DIPK1A: variants seen among roughly 807,000 people sequenced by gnomAD.
DIPK1A encodes family with sequence similarity 69 member A.
Under a neutral mutation model 40.8 loss-of-function variants are expected in DIPK1A, and 27 were observed. The ratio of observed to expected loss-of-function variants is 0.66; its 90% CI spans 0.49 to 0.91. DIPK1A has a LOEUF of 0.91. Ranked by LOEUF, DIPK1A falls within the 40% of genes least tolerant of loss-of-function variation. DIPK1A has a pLI of 0.00. For synonymous variants in DIPK1A, 166 were observed against 171.3 expected, an observed-to-expected ratio of 0.97 and a Z score of 0.24; for missense variants, 412 against 505.7, an observed-to-expected ratio of 0.81 and a Z score of 1.78.
intron 1 of DIPK1A, among the ~76,000 whole-genome samples, chr1:92,891,656 T>C (rs1007950594): frequency 6.6e-6 from 1 of 151,990 alleles, no homozygotes; most frequent in Non-Finnish European, 1.5e-5. Flanking sequence ...TGTCAGACAG[T>C]GGGTGCAGGA....
Position 92,834,405 on chromosome 1 carries a change from A to G in DIPK1A, c.475-1371T>C, listed in dbSNP as rs532519265. Among the ~76,000 whole-genome samples the G allele has an allele frequency of 5.9e-5, 9 of 152,326 alleles. No individual in the cohort carries two copies. In the South Asian group the frequency reaches 1.9e-3, roughly 32 times the overall value. ...GCTAGAATCCTGGGCTTTTACAACT[A>G]GGAGAAATTCTGAGAGTTAAGATTT... On this transcript the variant is annotated intron_variant, in intron 4 of 4. Transcript: ENST00000615519.
intron 1 of DIPK1A, among the ~76,000 whole-genome samples, chr1:92,913,211 T>C (rs1649904563): frequency 6.6e-6 from 1 of 152,232 alleles, no homozygotes. Flanking sequence ...AGCTTTCTAA[T>C]TGCAGGATAA....
chr1:92,854,407 C>G (rs1325230263), intron 2 of DIPK1A, among the ~76,000 whole-genome samples: 1 of 152,196 alleles, frequency 6.6e-6, no homozygotes, highest in Non-Finnish European at 1.5e-5. Flanking sequence ...GGCTCCAGAG[C>G]CCACTCTCTT....
intron 2 of DIPK1A, among the ~76,000 whole-genome samples, chr1:92,860,685 G>A (rs1387942923): frequency 1.4e-5 from 2 of 141,558 alleles, no homozygotes; most frequent in Non-Finnish European, 3.0e-5. Flanking sequence ...TGGGGTGGCT[G>A]AGACAGGAGA....
intron 1 of DIPK1A, among the ~76,000 whole-genome samples, chr1:92,891,199 G>A (rs1449783135): frequency 2.0e-5 from 3 of 151,450 alleles, no homozygotes; most frequent in African/African-American, 7.3e-5. Flanking sequence ...ATTTATTTAG[G>A]TATTTTCTCT....
Position 92,893,707 on chromosome 1 carries a change from C to A in DIPK1A, c.55-17277G>T, listed in dbSNP as rs1013784876. Among the ~76,000 whole-genome samples, 10 of 151,830 alleles carry A rather than the reference C, an allele frequency of 6.6e-5. 1 individual carries two copies. Among genetic ancestry groups the A allele is most frequent in the Admixed American group, 2.0e-4 (3 of 15,250 alleles). Reference sequence around the variant, plus strand: ...GCTCCAATTAAAAGACACAGACTGGCAAATTGGATAAAGAGTCAAGACCCA... The same window carrying A: ...GCTCCAATTAAAAGACACAGACTGGAAAATTGGATAAAGAGTCAAGACCCA... On this transcript the variant is annotated intron_variant, in intron 1 of 4. Transcript: ENST00000370310.
rs994601278 is a variant in DIPK1A at position 92,932,009 on chromosome 1, G to A, written c.54+29367C>T. On this transcript the variant is annotated intron_variant, in intron 1 of 4. Transcript: ENST00000370310. The stretch of plus-strand genomic sequence containing the variant: ...GATAACATATTTGCAATAAAATCTT[G>A]GGCCAAAAGAAAATTTGGGTTTGAA... 3 of 526,608 alleles carry A rather than the reference G, an allele frequency of 5.7e-6. No individual in the cohort carries two copies. In the African/African-American group the frequency reaches 6.1e-5, roughly 11 times the overall value. 32.6% of individuals were successfully genotyped at this position (526,608 alleles called of 1,614,324 possible).
At chr1:92,834,414 T>C (rs1048089724) in intron 4 of DIPK1A, among the ~76,000 whole-genome samples, 4 of 152,158 alleles carry the variant, frequency 2.6e-5, no homozygotes, top group African/African-American at 9.7e-5. Flanking sequence ...TAGGAGAAAT[T>C]CTGAGAGTTA....
chr1:92,840,851 C>G, downstream of DIPK1A: 1 of 682,578 alleles, frequency 1.5e-6, no homozygotes. Flanking sequence ...CTAGTACAGT[C>G]TAAGTACTGG....
At chr1:92,875,857 A>T (rs1648096704) in intron 2 of DIPK1A, among the ~76,000 whole-genome samples, 1 of 152,026 alleles carries the variant, frequency 6.6e-6, no homozygotes, top group South Asian at 2.1e-4. Flanking sequence ...TTTTTCTGAG[A>T]TACATCCAAT....
At chr1:92,833,300 C>T in intron 4 of DIPK1A, 2 of 1,070,228 alleles carry the variant, frequency 1.9e-6, no homozygotes, top group Non-Finnish European at 2.9e-6. Flanking sequence ...TCTTGAAGTT[C>T]AAGTGTTACT....
chr1:92,950,658 C>T (rs1443144482), intron 1 of DIPK1A, among the ~76,000 whole-genome samples: 1 of 152,146 alleles, frequency 6.6e-6, no homozygotes, highest in African/African-American at 2.4e-5. Flanking sequence ...CTGCAGTGAG[C>T]TATGATTGTG....
chr1:92,849,754 C>T (rs1292629783), intron 3 of DIPK1A, among the ~76,000 whole-genome samples: 4 of 151,662 alleles, frequency 2.6e-5, no homozygotes, highest in Non-Finnish European at 1.5e-5. Context: ...CCTCAAGTGA[C>T]CTACCGCCTC....
At chr1:92,948,137 G>C (rs1373972296) in intron 1 of DIPK1A, among the ~76,000 whole-genome samples, 1 of 152,220 alleles carries the variant, frequency 6.6e-6, no homozygotes, top group Non-Finnish European at 1.5e-5. Flanking sequence ...CTTACATGGA[G>C]ACTTGGTTGT....
intron 1 of DIPK1A, among the ~76,000 whole-genome samples, chr1:92,883,089 A>G (rs767041806): frequency 2.0e-5 from 3 of 152,194 alleles, no homozygotes; most frequent in South Asian, 4.1e-4. Flanking sequence ...GCTGAAGACT[A>G]TAATCCTTTC....
chr1:92,913,905 C>T (rs777593609), intron 1 of DIPK1A, among the ~76,000 whole-genome samples: 38 of 152,096 alleles, frequency 2.5e-4, no homozygotes, highest in Non-Finnish European at 1.0e-4. Flanking sequence ...TCCTTAAACC[C>T]AATGTGTAAA....
At chr1:92,892,356 T>A (rs1648931476) in intron 1 of DIPK1A, among the ~76,000 whole-genome samples, 3 of 152,048 alleles carry the variant, frequency 2.0e-5, no homozygotes, top group South Asian at 4.1e-4. Context: ...TTCATCAATA[T>A]CCGCTGTTCT....
At chr1:92,840,871 T>C (rs765353682), downstream of DIPK1A, 2 of 633,472 alleles carry the variant, frequency 3.2e-6, no homozygotes, top group Non-Finnish European at 5.9e-6. Context: ...GTTACTGCAT[T>C]TTTTTATTGG....
chr1:92,850,264 C>G (rs746199463), intron 3 of DIPK1A, among the ~76,000 whole-genome samples: 2 of 152,184 alleles, frequency 1.3e-5, no homozygotes, highest in Non-Finnish European at 2.9e-5. Context: ...GCCACCGCAC[C>G]AGGTTGCCTT....
Sources: allele counts gnomAD v4.1 joint callset (sites outside exome capture counted in the v4.1 genomes callset), GRCh38; gene constraint gnomAD v4.1.1; transcripts MANE v1.5; gene names NCBI Gene and HGNC (gene_info 2026-07-23, HGNC 2026-07-21).